The following C12orf56 variants were observed in gnomAD, a reference collection of about 807,000 sequenced individuals.
C12orf56 encodes the protein chromosome 12 open reading frame 56.
C12orf56 carries 71 observed loss-of-function variants against 69.9 expected under a neutral mutation model. The ratio of observed to expected loss-of-function variants is 1.02; its 90% CI spans 0.84 to 1.24. The LOEUF is 1.24. C12orf56 is among the 50% of genes most tolerant of loss of function. The probability of loss-of-function intolerance (pLI) is 0.00; values close to 1 mark genes in which losing one functional copy is unlikely to be tolerated. For synonymous variants in C12orf56, 276 were observed against 274.1 expected, an observed-to-expected ratio of 1.01 and a Z score of -0.07; for missense variants, 732 against 738.5, an observed-to-expected ratio of 0.99 and a Z score of 0.10.
At chr12:64,371,942 C>A (rs1222304363) in intron 1 of C12orf56, among the ~76,000 whole-genome samples, 2 of 144,684 alleles carry the variant, frequency 1.4e-5, no homozygotes, top group African/African-American at 5.3e-5. Context: ...CCACCACATG[C>A]AGCTAATTTT....
chr12:64,386,155 G>A (rs140052516), intron 1 of C12orf56, among the ~76,000 whole-genome samples: 223 of 152,116 alleles, frequency 1.5e-3, no homozygotes, highest in African/African-American at 5.2e-3. Flanking sequence ...TCTTTCTCAT[G>A]CTGCATCAGT....
chr12:64,294,477 AATGGAATATT>A (rs2038338721), intron 6 of C12orf56, among the ~76,000 whole-genome samples: 1 of 152,238 alleles, frequency 6.6e-6, no homozygotes. Context: ...ATATACATAC[AATGGAATATT>A]ATCCAGCCTT....
chr12:64,308,300 C>T (rs1029207039), intron 5 of C12orf56, among the ~76,000 whole-genome samples: 2 of 151,986 alleles, frequency 1.3e-5, no homozygotes, highest in Non-Finnish European at 1.5e-5. Context: ...ACAGCCTGAG[C>T]GATAGTGGAA....
chr12:64,342,395 G>C (rs976840790), intron 2 of C12orf56, among the ~76,000 whole-genome samples: 1 of 152,118 alleles, frequency 6.6e-6, no homozygotes, highest in East Asian at 1.9e-4. Flanking sequence ...GTCCACTTTC[G>C]GGTGGTGCCT....
intron 2 of C12orf56, among the ~76,000 whole-genome samples, chr12:64,345,062 T>C (rs556773878): frequency 6.6e-6 from 1 of 152,290 alleles, no homozygotes; most frequent in South Asian, 2.1e-4. Flanking sequence ...TCCATTCCCA[T>C]GTCTGTTCTC....
chr12:64,301,258 G>T (rs1476557661), intron 6 of C12orf56, among the ~76,000 whole-genome samples: 2 of 152,100 alleles, frequency 1.3e-5, no homozygotes, highest in Non-Finnish European at 2.9e-5. Context: ...ACAAAGGCTG[G>T]GATGTAACAA....
intron 8 of C12orf56, among the ~76,000 whole-genome samples, chr12:64,283,570 C>T (rs2038159697): frequency 6.6e-6 from 1 of 152,146 alleles, no homozygotes; most frequent in Non-Finnish European, 1.5e-5. Flanking sequence ...GCCTGAAGTT[C>T]TCACCAGGAG....
intron 1 of C12orf56, among the ~76,000 whole-genome samples, chr12:64,380,130 AAAAACAAAAC>A (rs1565783118): frequency 8.9e-4 from 44 of 49,360 alleles, no homozygotes; most frequent in Non-Finnish European, 1.5e-3. Context: ...AAAAAAAAAA[AAAAACAAAAC>A]AAACAAAAAA....
Position 64,285,944 on chromosome 12 carries a change from T to A in C12orf56, c.1220+10A>T. On this transcript the variant is annotated intron_variant, in intron 7 of 12. Transcript: ENST00000543942. The stretch of plus-strand genomic sequence containing the variant: ...AAAAAAAAATCGATGATTATCTAGT[T>A]AGTACTTACACCAGCTCATCAACCC... The A allele has an allele frequency of 1.3e-6, 2 of 1,544,972 alleles. No individual in the cohort carries two copies. The highest frequency in any genetic ancestry group is 1.8e-6 in the Non-Finnish European group (2 of 1,134,246).
At chr12:64,380,519 A>G (rs1424861526) in intron 1 of C12orf56, among the ~76,000 whole-genome samples, 2 of 152,254 alleles carry the variant, frequency 1.3e-5, no homozygotes, top group African/African-American at 4.8e-5. Flanking sequence ...GTAGCAGCTT[A>G]CATTTACCAT....
At chr12:64,333,174 A>G (rs1440250940) in intron 2 of C12orf56, among the ~76,000 whole-genome samples, 1 of 152,178 alleles carries the variant, frequency 6.6e-6, no homozygotes, top group African/African-American at 2.4e-5. Flanking sequence ...CTAGGAGGTA[A>G]ACCACTTGGT....
At chr12:64,388,431 G>A (rs2039822355) in intron 1 of C12orf56, among the ~76,000 whole-genome samples, 1 of 151,804 alleles carries the variant, frequency 6.6e-6, no homozygotes, top group African/African-American at 2.4e-5. Flanking sequence ...TATTTTTGTA[G>A]AGACGGTGTC....
chr12:64,352,705 G>A (rs2039246352), intron 2 of C12orf56, among the ~76,000 whole-genome samples, 189 bp downstream of exon 2: 1 of 152,064 alleles, frequency 6.6e-6, no homozygotes, highest in Non-Finnish European at 1.5e-5. Flanking sequence ...TTCACTGAGA[G>A]CTTTCTTTTA....
intron 2 of C12orf56, chr12:64,338,277 C>A (rs1426344851): frequency 3.8e-6 from 2 of 523,772 alleles, no homozygotes; most frequent in Non-Finnish European, 7.4e-6. Flanking sequence ...GTATTGGAAA[C>A]CTTTATGTTA....
intron 1 of C12orf56, among the ~76,000 whole-genome samples, chr12:64,366,097 A>G (rs181518523): frequency 1.6e-4 from 20 of 127,162 alleles, no homozygotes; most frequent in African/African-American, 6.2e-4. Flanking sequence ...TATATAGTTT[A>G]TATATTATAT....
intron 6 of C12orf56, among the ~76,000 whole-genome samples, chr12:64,299,905 T>G (rs1381999868): frequency 6.6e-6 from 1 of 152,208 alleles, no homozygotes; most frequent in Non-Finnish European, 1.5e-5. Flanking sequence ...TTTAAATTAA[T>G]GTAAATTTAA....
intron 1 of C12orf56, among the ~76,000 whole-genome samples, chr12:64,387,613 A>G (rs191380189): frequency 2.0e-4 from 30 of 152,136 alleles, no homozygotes; most frequent in African/African-American, 6.8e-4. Context: ...GTTTAAGCCC[A>G]GCAGCCTGGG....
At chr12:64,279,774 T>C (rs942227132) in intron 8 of C12orf56, among the ~76,000 whole-genome samples, 2 of 152,204 alleles carry the variant, frequency 1.3e-5, no homozygotes, top group African/African-American at 4.8e-5. Context: ...CTACAGGGTA[T>C]TTAATAATGT....
At chr12:64,374,593 G>A (rs1004248928) in intron 1 of C12orf56, among the ~76,000 whole-genome samples, 1 of 151,366 alleles carries the variant, frequency 6.6e-6, no homozygotes, top group Non-Finnish European at 1.5e-5. Flanking sequence ...ACCTAGGCTG[G>A]AGTGCAGTGG....
Sources: gnomAD v4.1 joint callset for allele counts (sites outside exome capture counted in the v4.1 genomes callset) on GRCh38, gnomAD v4.1.1 for gene constraint, MANE v1.5 for transcripts, NCBI Gene and HGNC (gene_info 2026-07-23, HGNC 2026-07-21) for gene names.